TUSC3: variants seen among roughly 807,000 people sequenced by gnomAD.
The protein encoded by TUSC3 is dolichyl-diphosphooligosaccharide--protein glycosyltransferase subunit TUSC3.
Under a neutral mutation model 44.8 loss-of-function variants are expected in TUSC3, and 45 were observed. The observed-to-expected ratio is 1.00, with a 90% CI of 0.79 to 1.29. The LOEUF is 1.29. TUSC3 is among the 50% of genes most tolerant of loss of function. The pLI is 0.00. For synonymous variants in TUSC3, 212 were observed against 152.9 expected, an observed-to-expected ratio of 1.39 and a Z score of -2.85; for missense variants, 519 against 437.9, an observed-to-expected ratio of 1.19 and a Z score of -1.65.
chr8:15,604,084 A>G (rs1005697936), intron 1 of TUSC3, among the ~76,000 whole-genome samples: 1 of 151,718 alleles, frequency 6.6e-6, no homozygotes, highest in African/African-American at 2.4e-5. Context: ...TGACTTACCT[A>G]TAAGCGTCAA....
chr8:15,443,739 G>C (rs1800053404), intron 1 of TUSC3, among the ~76,000 whole-genome samples: 1 of 152,122 alleles, frequency 6.6e-6, no homozygotes, highest in Admixed American at 6.6e-5. Flanking sequence ...TATGGTTTAG[G>C]AGTCACGCAG....
intron 1 of TUSC3, among the ~76,000 whole-genome samples, chr8:15,588,951 A>T (rs962403849): frequency 1.3e-5 from 2 of 152,062 alleles, no homozygotes; most frequent in African/African-American, 4.8e-5. Flanking sequence ...TGTTTTGGTT[A>T]TTGTAGCCTT....
chr8:15,676,905 A>G (rs2129184373), intron 6 of TUSC3, among the ~76,000 whole-genome samples: 1 of 152,324 alleles, frequency 6.6e-6, no homozygotes, highest in Non-Finnish European at 1.5e-5. Context: ...AAAATTTGAA[A>G]AACTGAAATA....
the TUSC3 span, among the ~76,000 whole-genome samples, chr8:15,816,581 C>G: frequency 6.6e-6 from 1 of 152,134 alleles, no homozygotes; most frequent in Non-Finnish European, 1.5e-5. Flanking sequence ...TTGGGTCAAC[C>G]TATTCGAAGA....
chr8:15,659,963 T>C (rs1807346365), intron 4 of TUSC3, among the ~76,000 whole-genome samples: 1 of 152,016 alleles, frequency 6.6e-6, no homozygotes, highest in Non-Finnish European at 1.5e-5. Flanking sequence ...AAGCAAGATA[T>C]ATAATTTTTA....
At chr8:15,802,583 A>T in the TUSC3 span, among the ~76,000 whole-genome samples, 2 of 152,044 alleles carry the variant, frequency 1.3e-5, no homozygotes, top group Non-Finnish European at 2.9e-5. Flanking sequence ...CACCGTGCCC[A>T]GCTAATTTTT....
At chr8:15,459,393 A>T (rs139801708) in intron 1 of TUSC3, among the ~76,000 whole-genome samples, 1 of 151,782 alleles carries the variant, frequency 6.6e-6, no homozygotes, top group East Asian at 1.9e-4. Context: ...TTTGACATTA[A>T]TTTTTTTTAC....
At chr8:15,490,032 C>T (rs949723106) in intron 2 of TUSC3, among the ~76,000 whole-genome samples, 3 of 152,138 alleles carry the variant, frequency 2.0e-5, no homozygotes, top group Non-Finnish European at 2.9e-5. Context: ...GACATTCTAG[C>T]AGTGAGGCTT....
intron 3 of TUSC3, 51 bp from the exon 4 acceptor site, chr8:15,659,456 A>T: frequency 1.3e-6 from 2 of 1,592,530 alleles, no homozygotes; most frequent in Non-Finnish European, 1.7e-6. Flanking sequence ...AAAATATTGG[A>T]TTAATGATAA....
At chr8:15,613,951 T>G (rs1187118020) in intron 1 of TUSC3, among the ~76,000 whole-genome samples, 1 of 151,936 alleles carries the variant, frequency 6.6e-6, no homozygotes, top group Non-Finnish European at 1.5e-5. Flanking sequence ...ATTCACTCAT[T>G]TTCCCTGTGT....
chr8:15,644,155 T>A (rs969143971), intron 2 of TUSC3, among the ~76,000 whole-genome samples: 1 of 152,088 alleles, frequency 6.6e-6, no homozygotes, highest in Non-Finnish European at 1.5e-5. Context: ...ACATAAAAGA[T>A]TGTAGCATTT....
At chr8:15,638,552 C>T (rs868257037) in intron 2 of TUSC3, among the ~76,000 whole-genome samples, 5 of 118,166 alleles carry the variant, frequency 4.2e-5, no homozygotes, top group Middle Eastern at 7.7e-3. Flanking sequence ...AGACAAGAGT[C>T]TCACTCTGTT....
Position 15,553,117 on chromosome 8 carries a change from G to C in TUSC3, c.138+12549G>C, listed in dbSNP as rs1467068047. On this transcript the variant is annotated intron_variant, in intron 1 of 10. Transcript: ENST00000503731. Reference sequence around the variant, plus strand: ...AAAGATTTTCGAAGGAAGATAACATGTTCGTGTTTGAGAATGTATGAGATG... The same window carrying C: ...AAAGATTTTCGAAGGAAGATAACATCTTCGTGTTTGAGAATGTATGAGATG... Among the ~76,000 whole-genome samples, 5 of 151,750 alleles carry C rather than the reference G, an allele frequency of 3.3e-5. 1 individual carries two copies. Among genetic ancestry groups the C allele is most frequent in the Admixed American group, 3.3e-4 (5 of 15,206 alleles).
the TUSC3 span, among the ~76,000 whole-genome samples, chr8:15,846,310 T>C: frequency 5.9e-5 from 9 of 152,160 alleles, no homozygotes; most frequent in Non-Finnish European, 1.0e-4. Context: ...AAAGGCTGCC[T>C]CACTTAAGAA....
At chr8:15,483,350 GT>G (rs1484861886) in intron 1 of TUSC3, 10 of 231,734 alleles carry the variant, frequency 4.3e-5, no homozygotes, top group South Asian at 1.3e-4. Flanking sequence ...GTTTTGTTTT[GT>G]TTTTTTGAGA....
intron 2 of TUSC3, among the ~76,000 whole-genome samples, chr8:15,483,780 C>G (rs192759875): frequency 1.3e-5 from 2 of 150,970 alleles, no homozygotes; most frequent in African/African-American, 4.9e-5. Context: ...CTCAGCCTCC[C>G]GAGTAGCTGG....
intron 1 of TUSC3, among the ~76,000 whole-genome samples, chr8:15,455,792 G>A (rs35117855): frequency 6.6e-6 from 1 of 152,148 alleles, no homozygotes; most frequent in South Asian, 2.1e-4. Flanking sequence ...AGATACTTAC[G>A]TTTTAAATGA....
intron 8 of TUSC3, among the ~76,000 whole-genome samples, chr8:15,747,230 G>C (rs1046232900): frequency 1.3e-5 from 2 of 152,108 alleles, no homozygotes; most frequent in Non-Finnish European, 2.9e-5. Context: ...AAAAATCATA[G>C]TTCCTTATTA....
At chr8:15,684,464 G>T (rs868709659) in intron 6 of TUSC3, among the ~76,000 whole-genome samples, 1 of 152,228 alleles carries the variant, frequency 6.6e-6, no homozygotes, top group Middle Eastern at 3.4e-3. Context: ...GACCTGGTGG[G>T]TCTCCCGCCA....
Sources: gnomAD v4.1 joint callset for allele counts (sites outside exome capture counted in the v4.1 genomes callset) on GRCh38, gnomAD v4.1.1 for gene constraint, MANE v1.5 for transcripts, NCBI Gene and HGNC (gene_info 2026-07-23, HGNC 2026-07-21) for gene names.